The following ARHGEF2 variants were observed in gnomAD, a reference collection of about 807,000 sequenced individuals.
The protein encoded by ARHGEF2 is Rho/Rac guanine nucleotide exchange factor 2, also known as rho guanine nucleotide exchange factor 2.
In ARHGEF2, 22 loss-of-function variants were observed where a neutral mutation model predicts 121.0. The ratio of observed to expected loss-of-function variants is 0.18; its 90% confidence interval spans 0.13 to 0.26. The LOEUF is 0.26. ARHGEF2 is among the 10% of genes least tolerant of loss of function. The pLI, the probability that ARHGEF2 is intolerant of heterozygous loss-of-function variation, is 1.00. For synonymous variants in ARHGEF2, 487 were observed against 530.0 expected, an observed-to-expected ratio of 0.92 and a Z score of 1.11; for missense variants, 907 against 1,336.0, an observed-to-expected ratio of 0.68 and a Z score of 5.01.
At chr1:155,964,167 A>AAAT (rs1553244640) in intron 7 of ARHGEF2, among the ~76,000 whole-genome samples, 2 of 91,218 alleles carry the variant, frequency 2.2e-5, no homozygotes, top group African/African-American at 1.2e-4. Flanking sequence ...AAAAAAAAAA[A>AAAT]ATATATATAT....
At chr1:155,972,190 G>C (rs948672945) in intron 1 of ARHGEF2, 4 of 449,968 alleles carry the variant, frequency 8.9e-6, no homozygotes, top group African/African-American at 8.0e-5. Flanking sequence ...CCTCTCTCTG[G>C]CATCAATGCT....
Position 155,964,160 on chromosome 1 carries a change from A to AT in ARHGEF2, c.724+827_724+828insA, listed in dbSNP as rs1558030044. On this transcript the variant is annotated intron_variant, in intron 7 of 21. Coordinates refer to ENST00000361247, the MANE Select transcript of ARHGEF2 (RefSeq NM_001162383.2). ...ACTCTGCTTCAAAAAAAAAAAAAAA[A>AT]AAAAAAAATATATATATATATATAT... Among the ~76,000 whole-genome samples, 92 of 95,082 alleles carry AT rather than the reference A, an allele frequency of 9.7e-4. 4 individuals carry two copies. In the South Asian group the frequency reaches 0.028, roughly 29 times the overall value. The allele number at this position is 95,082 out of a possible 152,430, so 62.4% of individuals were successfully genotyped here.
chr1:155,951,357 T>C lies in ARHGEF2; in HGVS notation c.2260-85A>G. 1 of 1,567,622 alleles carries C rather than the reference T, an allele frequency of 6.4e-7. No homozygotes were observed. Among genetic ancestry groups the C allele is most frequent in the Non-Finnish European group, 8.7e-7 (1 of 1,147,850 alleles). Reference sequence around the variant, plus strand: ...CCTTCACCCTCCAAGGCCCAGATCATCGCTCCTGGAGAGCTTGGATTGGGA... The same window carrying C: ...CCTTCACCCTCCAAGGCCCAGATCACCGCTCCTGGAGAGCTTGGATTGGGA... On this transcript the variant is annotated intron_variant, in intron 19 of 21. Coordinates refer to ENST00000361247, the MANE Select transcript of ARHGEF2 (RefSeq NM_001162383.2). The surrounding 1 kb of genome is among the most constrained non-coding windows in gnomAD (Gnocchi z 5.1).
At position 155,977,944 on chromosome 1, in the gene ARHGEF2, G is replaced by A. The variant is rs1040263953; in HGVS notation, c.63+421C>T. Reference sequence around the variant, plus strand: ...GGGAACGACCAAGCCAGCGATTGGGGAGTGATGGGGGGTCGCCACGCCAAG... The same window carrying A: ...GGGAACGACCAAGCCAGCGATTGGGAAGTGATGGGGGGTCGCCACGCCAAG... On this transcript the variant is annotated intron_variant, in intron 1 of 21. Coordinates refer to ENST00000361247, the MANE Select transcript of ARHGEF2 (RefSeq NM_001162383.2). 7.4e-5 allele frequency: 23 copies of A among 309,014 alleles called. 1 individual carries two copies. Among genetic ancestry groups the A allele is most frequent in the Non-Finnish European group, 1.0e-4 (21 of 207,528 alleles). 19.1% of individuals were successfully genotyped at this position (309,014 alleles called of 1,614,324 possible).
intron 12 of ARHGEF2, 95 bp downstream of exon 12, chr1:155,958,225 G>T: frequency 1.0e-6 from 1 of 952,816 alleles, no homozygotes. Context: ...GTTTGACTCT[G>T]GGGGACTCCA....
At chr1:155,978,628 G>A (rs1371209393), upstream of ARHGEF2, 4 of 1,240,416 alleles carry the variant, frequency 3.2e-6, no homozygotes, top group African/African-American at 1.6e-5. The surrounding 1 kb of genome is among the most constrained non-coding windows in gnomAD (Gnocchi z 4.1). Flanking sequence ...TAGGCGGAGC[G>A]GAGGGAGGGC....
In ARHGEF2 at chr1:155,961,708, A is replaced by C. The variant is rs758607678; in HGVS notation, c.1421T>G (p.Ile474Ser). Residue 474 changes from isoleucine (I) to serine (S), a missense_variant, in exon 11 of 22, where the codon ATC (isoleucine) becomes AGC (serine). Around this residue, in one of 2 missense-constraint regions of ARHGEF2, gnomAD observed 475 missense variants for 776.5 expected, o/e 0.61. Transcript: ENST00000361247. The surrounding 1 kb of genome is among the most constrained non-coding windows in gnomAD (Gnocchi z 4.7). ...GREELLRRKL[I>S]HDGCLLWKTA... The stretch of plus-strand genomic sequence containing the variant: ...CTTCCAGAGCAGGCAGCCATCGTGG[A>C]TGAGTTTGCGCCTCAGAAGTTCCTC... 5.0e-6 allele frequency: 8 copies of C among 1,613,930 alleles called. No homozygotes were observed. In the African/African-American group the frequency reaches 1.1e-4, roughly 22 times the overall value.
At chr1:155,948,737 T>C (rs1055848965) in intron 21 of ARHGEF2, among the ~76,000 whole-genome samples, 4 of 151,958 alleles carry the variant, frequency 2.6e-5, no homozygotes. Context: ...GGAGTTTGAG[T>C]CCAGCCTCGG....
chr1:155,975,707 T>C lies in ARHGEF2; in HGVS notation c.63+2658A>G, dbSNP rs532427680. On this transcript the variant is annotated intron_variant, in intron 1 of 21. Coordinates refer to ENST00000361247, the MANE Select transcript of ARHGEF2 (RefSeq NM_001162383.2). ...CCTCAGAACAAAGAAATAGTCGCTC[T>C]GCACACTCCCCACTCCACCTGCCCA... 8.5e-5 allele frequency among the ~76,000 whole-genome samples: 13 copies of C among 152,284 alleles called. 1 individual carries two copies. The highest frequency in any genetic ancestry group is 1.8e-4 in the Non-Finnish European group (12 of 68,022).
Position 155,958,335 on chromosome 1 carries a change from G to A in ARHGEF2, c.1530C>T (p.Tyr510=). The A allele has an allele frequency of 1.2e-6, 2 of 1,613,100 alleles. No homozygotes were observed. The highest frequency in any genetic ancestry group is 1.7e-6 in the Non-Finnish European group (2 of 1,179,122). Residue 510 remains tyrosine, a synonymous_variant, in exon 12 of 22, where the codon TAC becomes TAT. Transcript: ENST00000361247. ...AATGTCTCACCAGGGTAGGAAAGAT[G>A]TACTTCTGGTCCTTTTCCTGGAGAA... The part of the protein sequence containing the change: ...LVFLQEKDQK[Y]IFPTLDKPSV...
rs576847921 is a variant in ARHGEF2, at chr1:155,965,518, CTTAT to C, written c.470+109_471-107del. ...CAAGAGGCGGTCCCCCTAAGTTCTC[CTTAT>C]TTGTCTGTCTACAGTTCTGAACTCA... is the stretch of plus-strand genomic sequence containing the variant. On this transcript the variant is annotated intron_variant, in intron 5 of 21. Coordinates refer to ENST00000361247, the MANE Select transcript of ARHGEF2 (RefSeq NM_001162383.2). The surrounding 1 kb of genome is among the most constrained non-coding windows in gnomAD (Gnocchi z 6.0). 7 of 1,604,102 alleles carry C rather than the reference CTTAT, an allele frequency of 4.4e-6. No individual in the cohort carries two copies. Among genetic ancestry groups the C allele is most frequent in the Non-Finnish European group, 6.0e-6 (7 of 1,172,600 alleles).
At chr1:155,972,431 A>T (rs563755408) in intron 1 of ARHGEF2, 2 of 389,512 alleles carry the variant, frequency 5.1e-6, no homozygotes, top group African/African-American at 2.1e-5. Flanking sequence ...ATGGAAGGAC[A>T]TAGGGCCTGC....
At chr1:155,978,847 C>T (rs1378605875), upstream of ARHGEF2, 1 of 983,224 alleles carries the variant, frequency 1.0e-6, no homozygotes, top group Non-Finnish European at 1.2e-6. The surrounding 1 kb of genome is among the most constrained non-coding windows in gnomAD (Gnocchi z 4.1). Flanking sequence ...TTGGCCCTTT[C>T]CCCTCTGCCC....
intron 1 of ARHGEF2, among the ~76,000 whole-genome samples, chr1:155,977,902 G>A (rs1681591654): frequency 6.6e-6 from 1 of 152,186 alleles, no homozygotes; most frequent in Non-Finnish European, 1.5e-5. Flanking sequence ...CCCTCCGCCG[G>A]ATGGCGGGGA....
intron 1 of ARHGEF2, among the ~76,000 whole-genome samples, chr1:155,974,625 CAG>C (rs1449369471): frequency 6.6e-6 from 1 of 152,078 alleles, no homozygotes; most frequent in Non-Finnish European, 1.5e-5. Flanking sequence ...AGAAACAACA[CAG>C]AAAGACATCA....
rs1400218718 is a variant in ARHGEF2, at chr1:155,961,364, TC to T, written c.1468+296del. Reference sequence around the variant, plus strand: ...ATCTGGGCTCACTGCAAGCTCCGCCTCCTGGGTTCACGCCATTCTCCTGCCT... The same window carrying T: ...ATCTGGGCTCACTGCAAGCTCCGCCTCTGGGTTCACGCCATTCTCCTGCCT... On this transcript the variant is annotated intron_variant, in intron 11 of 21. Coordinates refer to ENST00000361247, the MANE Select transcript of ARHGEF2 (RefSeq NM_001162383.2). This position sits in a 1 kb window ranked among gnomAD's most constrained non-coding sequence, Gnocchi z 4.7. Among the ~76,000 whole-genome samples, 1 of 149,592 alleles carries T rather than the reference TC, an allele frequency of 6.7e-6. No homozygotes were observed. Among genetic ancestry groups the T allele is most frequent in the East Asian group, 2.0e-4 (1 of 5,022 alleles).
Position 155,950,574 on chromosome 1 carries a change from C to A in ARHGEF2, c.2704-92G>T, listed in dbSNP as rs373744397. 1.5e-4 allele frequency: 199 copies of A among 1,366,290 alleles called. No individual in the cohort carries two copies. The highest frequency in any genetic ancestry group is 1.9e-4 in the Middle Eastern group (1 of 5,384). The allele number at this position is 1,366,290 out of a possible 1,614,324, so 84.6% of individuals were successfully genotyped here. On this transcript the variant is annotated intron_variant, in intron 20 of 21. Transcript: ENST00000361247. This position sits in a 1 kb window ranked among gnomAD's most constrained non-coding sequence, Gnocchi z 5.2. Reference sequence around the variant, plus strand: ...TTGGCTGAAGGCAGCAGCTCTCCCCCCTGGGGCTCACCCATGAGTCCCCTT... The same window carrying A: ...TTGGCTGAAGGCAGCAGCTCTCCCCACTGGGGCTCACCCATGAGTCCCCTT...
rs537023808 is a variant in ARHGEF2, at chr1:155,961,478, G to A, written c.1468+183C>T. ...TTCAGTAGAGACAGGGTTTCACTGTGTTAGCCAGGATGGTCTCAATCTCCT... is the reference window on the plus strand; with the variant it reads ...TTCAGTAGAGACAGGGTTTCACTGTATTAGCCAGGATGGTCTCAATCTCCT... On this transcript the variant is annotated intron_variant, in intron 11 of 21. Coordinates refer to ENST00000361247, the MANE Select transcript of ARHGEF2 (RefSeq NM_001162383.2). The surrounding 1 kb of genome is among the most constrained non-coding windows in gnomAD (Gnocchi z 4.7). Among the ~76,000 whole-genome samples, 9 of 152,192 alleles carry A rather than the reference G, an allele frequency of 5.9e-5. No homozygotes were observed. Among genetic ancestry groups the A allele is most frequent in the East Asian group, 1.9e-4 (1 of 5,180 alleles).
rs1678227265 is a variant in ARHGEF2, at chr1:155,962,738, G to C, written c.976-20C>G. The C allele has an allele frequency of 6.2e-7, 1 of 1,613,980 alleles. No homozygotes were observed. Among genetic ancestry groups the C allele is most frequent in the Non-Finnish European group, 8.5e-7 (1 of 1,179,914 alleles). ...TGAGAACTAGAAGTTGGTCGAGTAA[G>C]GTTAGGTCAGCATTCCCCCAAAGCC... On this transcript the variant is annotated intron_variant, in intron 8 of 21. Transcript: ENST00000361247. The surrounding 1 kb of genome is among the most constrained non-coding windows in gnomAD (Gnocchi z 5.8).
Sources: gnomAD v4.1 joint callset for allele counts (sites outside exome capture counted in the v4.1 genomes callset) on GRCh38, gnomAD v4.1.1 for gene constraint, gnomAD v4.1.1 regional missense constraint, Gnocchi (gnomAD v3.1) non-coding constraint, MANE v1.5 for transcripts, NCBI Gene and HGNC (gene_info 2026-07-23, HGNC 2026-07-21) for gene names.